Variants in TENM1 observed in about 807,000 individuals in gnomAD.
TENM1 encodes the protein teneurin transmembrane protein 1, also known as teneurin-1.
In TENM1, 35 loss-of-function variants were observed where a neutral mutation model predicts 174.8. The ratio of observed to expected loss-of-function variants is 0.20; its 90% confidence interval spans 0.15 to 0.27. The LOEUF is 0.27. Ranked by LOEUF, TENM1 falls within the 10% of genes least tolerant of loss-of-function variation. The pLI is 1.00. For synonymous variants in TENM1, 781 were observed against 798.7 expected (o/e 0.98, Z 0.37); for missense variants, 1,633 against 2,130.1 (o/e 0.77, Z 4.59).
rs1197599734 is a variant in TENM1 at position 124,664,680 on chromosome X, GT to G, written c.1168+7002del. ...TTCAATTCCCAAGAGTACTTGTGGGGTGTGTGTGTGTGTGTGTGTGTGTGTG... is the reference window on the plus strand; with the variant it reads ...TTCAATTCCCAAGAGTACTTGTGGGGGTGTGTGTGTGTGTGTGTGTGTGTG... On this transcript the variant is annotated intron_variant, in intron 6 of 31. Transcript: ENST00000422452. Among the ~76,000 whole-genome samples the G allele has an allele frequency of 0.011, 233 of 20,658 alleles. 5 individuals are homozygous for G. The East Asian group carries it at 0.22, about 20-fold the overall frequency. The allele number at this position is 20,658 out of a possible 115,157, so 17.9% of individuals were successfully genotyped here. A position where few individuals can be genotyped will look rare whatever the true frequency, so the allele number is the denominator to read the frequency against.
intron 4 of TENM1, among the ~76,000 whole-genome samples, chrX:124,709,065 T>G (rs1171901961): frequency 1.8e-5 from 2 of 111,924 alleles, no homozygotes; most frequent in Non-Finnish European, 3.8e-5. Flanking sequence ...AGAGGTTTAG[T>G]AGGAGTAGAG....
At chrX:124,529,013 G>T (rs991373802) in intron 16 of TENM1, among the ~76,000 whole-genome samples, 2 of 111,403 alleles carry the variant, frequency 1.8e-5, no homozygotes, top group African/African-American at 6.5e-5. Context: ...AAATGAGATA[G>T]TTTCTCACAG....
the TENM1 span, among the ~76,000 whole-genome samples, chrX:125,140,463 G>C: frequency 8.9e-6 from 1 of 111,747 alleles, no homozygotes; most frequent in Non-Finnish European, 1.9e-5. Flanking sequence ...ATGAGTGGAT[G>C]AAAAGAGGTT....
At chrX:124,611,043 T>G (rs756281369) in intron 11 of TENM1, among the ~76,000 whole-genome samples, 1 of 110,899 alleles carries the variant, frequency 9.0e-6, no homozygotes, top group East Asian at 2.9e-4. Flanking sequence ...CTAGTCAGTA[T>G]AGGTTAGATT....
chrX:125,064,325 GA>G, the TENM1 span, among the ~76,000 whole-genome samples: 4 of 109,743 alleles, frequency 3.6e-5, no homozygotes, highest in Admixed American at 9.7e-5. Flanking sequence ...AAAAAAGAAA[GA>G]AAAATTAAAA....
the TENM1 span, among the ~76,000 whole-genome samples, chrX:124,980,516 T>C: frequency 1.5e-4 from 17 of 111,486 alleles, no homozygotes; most frequent in African/African-American, 4.5e-4. Context: ...TTTTAAAATA[T>C]AGAAAATAAA....
At chrX:124,467,798 A>G (rs922432647) in intron 22 of TENM1, among the ~76,000 whole-genome samples, 2 of 111,680 alleles carry the variant, frequency 1.8e-5, no homozygotes, top group Admixed American at 1.9e-4. Flanking sequence ...TCACTCTGTC[A>G]CCCAGGCTGC....
intron 1 of TENM1, among the ~76,000 whole-genome samples, chrX:124,946,270 T>C (rs2058401007): frequency 8.9e-6 from 1 of 111,841 alleles, no homozygotes; most frequent in Non-Finnish European, 1.9e-5. Context: ...GATACAGATA[T>C]GTTAAGTTTG....
At chrX:124,499,614 G>C (rs1185117648) in intron 19 of TENM1, among the ~76,000 whole-genome samples, 1 of 111,603 alleles carries the variant, frequency 9.0e-6, no homozygotes, top group Non-Finnish European at 1.9e-5. Flanking sequence ...ATTTAGAATA[G>C]TTAATTAAGT....
the TENM1 span, among the ~76,000 whole-genome samples, chrX:125,064,401 G>T: frequency 9.0e-6 from 1 of 110,755 alleles, no homozygotes; most frequent in African/African-American, 3.3e-5. Flanking sequence ...ATTGAAGCAA[G>T]AAAAAAACAA....
chrX:124,396,325 G>A (rs1239679980), intron 27 of TENM1, among the ~76,000 whole-genome samples: 3 of 36,968 alleles, frequency 8.1e-5, no homozygotes, highest in African/African-American at 1.7e-4. Flanking sequence ...TTTTCGAGCC[G>A]GAGTTTTGCT....
At chrX:125,180,926 C>A in the TENM1 span, among the ~76,000 whole-genome samples, 1 of 111,425 alleles carries the variant, frequency 9.0e-6, no homozygotes, top group African/African-American at 3.3e-5. Flanking sequence ...ATTCCCTATT[C>A]CCCAGCAGTC....
chrX:124,691,888 C>A (rs1200517273), intron 5 of TENM1, among the ~76,000 whole-genome samples: 1 of 110,592 alleles, frequency 9.0e-6, no homozygotes, highest in Non-Finnish European at 1.9e-5. Context: ...GTGGTGTGTT[C>A]GTTATAATTT....
chrX:124,721,903 A>C (rs2053317377), intron 4 of TENM1, among the ~76,000 whole-genome samples: 1 of 112,568 alleles, frequency 8.9e-6, no homozygotes, highest in Non-Finnish European at 1.9e-5. Flanking sequence ...ATATATGTAC[A>C]CATGCCTATA....
chrX:124,999,952 G>A, the TENM1 span, among the ~76,000 whole-genome samples: 2 of 111,094 alleles, frequency 1.8e-5, no homozygotes, highest in Admixed American at 9.6e-5. Flanking sequence ...AGATTTTCTG[G>A]TAAGATTCAG....
intron 3 of TENM1, among the ~76,000 whole-genome samples, chrX:124,792,659 GA>G (rs1361024270): frequency 9.0e-6 from 1 of 111,628 alleles, no homozygotes; most frequent in Non-Finnish European, 1.9e-5. Context: ...AATGACAGAT[GA>G]AACCTAGCCA....
chrX:124,981,924 C>T, the TENM1 span, among the ~76,000 whole-genome samples: 2 of 43,047 alleles, frequency 4.6e-5, no homozygotes, highest in Non-Finnish European at 7.3e-5. Flanking sequence ...ACCTGCACAA[C>T]GTGCACATGT....
At chrX:125,119,581 G>C in the TENM1 span, among the ~76,000 whole-genome samples, 1 of 110,098 alleles carries the variant, frequency 9.1e-6, no homozygotes, top group South Asian at 3.8e-4. Context: ...CTTATTGGGG[G>C]TACTTTGACT....
chrX:124,895,225 G>A lies in TENM1; in HGVS notation c.478+756C>T, dbSNP rs762069431. On this transcript the variant is annotated intron_variant, in intron 2 of 31. Coordinates refer to ENST00000422452, the Ensembl canonical transcript of TENM1. ...AGTAAGCCTTGTGGTCATGGTAATGGGGACTTATAAAATGTACACAAACAG... is the reference window on the plus strand; with the variant it reads ...AGTAAGCCTTGTGGTCATGGTAATGAGGACTTATAAAATGTACACAAACAG... Among the ~76,000 whole-genome samples, 3 of 111,434 alleles carry A rather than the reference G, an allele frequency of 2.7e-5. No homozygotes were observed. The Admixed American group carries it at 2.9e-4, about 11-fold the overall frequency.
Sources: allele counts gnomAD v4.1 joint callset (sites outside exome capture counted in the v4.1 genomes callset), GRCh38; gene constraint gnomAD v4.1.1; transcripts MANE v1.5; gene names NCBI Gene and HGNC (gene_info 2026-07-23, HGNC 2026-07-21).